Variants in SIN3A observed in about 807,000 individuals in gnomAD.
The protein encoded by SIN3A is paired amphipathic helix protein Sin3a.
In SIN3A, 14 loss-of-function variants were observed where a neutral mutation model predicts 146.1. The observed-to-expected ratio is 0.10, with a 90% CI of 0.06 to 0.15. The LOEUF is 0.15. Among genes scored for constraint, SIN3A ranks in the 10% least tolerant of loss-of-function variants. SIN3A has a pLI of 1.00. For synonymous variants in SIN3A, 572 were observed against 572.0 expected (o/e 1.00, Z 0.00); for missense variants, 1,028 against 1,576.0 (o/e 0.65, Z 5.89).
chr15:75,403,038 A>G (rs764292853), intron 9 of SIN3A, among the ~76,000 whole-genome samples: 5 of 152,226 alleles, frequency 3.3e-5, no homozygotes, highest in African/African-American at 1.2e-4. Context: ...GTGGGAATAT[A>G]TATGAAACAA....
rs767626810 is a variant in SIN3A at position 75,384,270 on chromosome 15, G to A, written c.3189C>T (p.Cys1063=). The change falls in exon 17 of 21, where the codon TGC becomes TGT. Residue 1063 remains cysteine, a synonymous_variant. Transcript: ENST00000394947. ...KAEQLMSDEN[C]FKLMFIQSQG... Reference sequence around the variant, plus strand: ...CTACCTGACCAACTCTCACCTTAAAGCAATTCTCATCTGACATTAGCTGCT... The same window carrying A: ...CTACCTGACCAACTCTCACCTTAAAACAATTCTCATCTGACATTAGCTGCT... The A allele has an allele frequency of 2.5e-6, 4 of 1,610,854 alleles. No homozygotes were observed. The East Asian group carries it at 6.7e-5, about 27-fold the overall frequency.
intron 1 of SIN3A, among the ~76,000 whole-genome samples, chr15:75,442,190 C>T (rs1193259722): frequency 7.7e-6 from 1 of 130,550 alleles, no homozygotes; most frequent in African/African-American, 2.9e-5. Flanking sequence ...ATTTTTCCTT[C>T]TAACCATCTT....
At chr15:75,426,529 C>T (rs2073928590) in intron 2 of SIN3A, among the ~76,000 whole-genome samples, 2 of 152,152 alleles carry the variant, frequency 1.3e-5, no homozygotes, top group Non-Finnish European at 2.9e-5. Context: ...GGTTGAAGGC[C>T]TCCCCAGACC....
At chr15:75,409,483 T>C (rs536679062) in intron 8 of SIN3A, among the ~76,000 whole-genome samples, 59 of 151,866 alleles carry the variant, frequency 3.9e-4, no homozygotes, top group Non-Finnish European at 7.7e-4. Flanking sequence ...TCCCAGCACT[T>C]TGGGAGGCCG....
At chr15:75,448,378 T>G (rs2074345280) in intron 1 of SIN3A, among the ~76,000 whole-genome samples, 1 of 151,238 alleles carries the variant, frequency 6.6e-6, no homozygotes. Flanking sequence ...CGCCCCAGCT[T>G]CTTCTTCGTG....
intron 12 of SIN3A, among the ~76,000 whole-genome samples, chr15:75,397,715 A>C (rs188098204): frequency 6.6e-6 from 1 of 152,142 alleles, no homozygotes; most frequent in Admixed American, 6.5e-5. Flanking sequence ...TCTTAAACAC[A>C]TGCACACCCC....
At chr15:75,450,325 A>G (rs1259246191) in intron 1 of SIN3A, among the ~76,000 whole-genome samples, 1 of 152,150 alleles carries the variant, frequency 6.6e-6, no homozygotes, top group Non-Finnish European at 1.5e-5. Context: ...TAAAGTCCTA[A>G]CGCACCGAAA....
intron 17 of SIN3A, among the ~76,000 whole-genome samples, chr15:75,381,918 A>G (rs2072979977): frequency 6.6e-6 from 1 of 152,228 alleles, no homozygotes; most frequent in South Asian, 2.1e-4. Flanking sequence ...AAAAGGTACT[A>G]TTTCATGTTT....
chr15:75,410,365 T>A, intron 6 of SIN3A, 79 bp from the exon 7 acceptor site: 2 of 1,387,078 alleles, frequency 1.4e-6, no homozygotes, highest in Non-Finnish European at 2.0e-6. Context: ...CTGGAATCAC[T>A]GTTATCTATT....
intron 1 of SIN3A, among the ~76,000 whole-genome samples, chr15:75,435,295 T>C (rs2074087354): frequency 6.6e-6 from 1 of 152,078 alleles, no homozygotes; most frequent in South Asian, 2.1e-4. Context: ...TAAATATCTA[T>C]CAGCTAAATA....
rs1253622686 is a variant in SIN3A, at chr15:75,392,390, A to G, written c.2703T>C (p.Ile901=). 1.2e-6 allele frequency: 2 copies of G among 1,614,126 alleles called. No individual in the cohort carries two copies. The highest frequency in any genetic ancestry group is 1.7e-6 in the Non-Finnish European group (2 of 1,180,056). ...AAATCCGTAGCAGCCTCAGGCAGAG[A>G]ATCTGGTGCAGTCGCATAAAAATAT... ...NWYIFMRLHQ[I]LCLRLLRICS... Residue 901 remains isoleucine (I), a synonymous_variant, in exon 15 of 21, where the codon ATT becomes ATC. Coordinates refer to ENST00000394947, the MANE Select transcript of SIN3A (RefSeq NM_001145358.2).
chr15:75,415,854 G>GAAAA lies in SIN3A; in HGVS notation c.367-1547_367-1544dup, dbSNP rs397946961. ...CAACAAGAGTGAAACTCGGTCTCAG[G>GAAAA]AAAAAAAAAAAAAAAAAAAAAGTCC... On this transcript the variant is annotated intron_variant, in intron 3 of 20. Coordinates refer to ENST00000394947, the MANE Select transcript of SIN3A (RefSeq NM_001145358.2). 1.7e-4 allele frequency: 16 copies of GAAAA among 96,242 alleles called. No individual in the cohort carries two copies. The South Asian group carries it at 2.0e-3, about 12-fold the overall frequency. The allele number at this position is 96,242 out of a possible 1,614,324, so 6.0% of individuals were successfully genotyped here.
At chr15:75,390,348 A>C (rs2073176637) in intron 15 of SIN3A, among the ~76,000 whole-genome samples, 1 of 152,248 alleles carries the variant, frequency 6.6e-6, no homozygotes, top group South Asian at 2.1e-4. Flanking sequence ...ATAATGAAGT[A>C]ATCTGCATTT....
chr15:75,423,591 T>C (rs528918554), intron 2 of SIN3A, among the ~76,000 whole-genome samples: 5 of 152,050 alleles, frequency 3.3e-5, no homozygotes, highest in Non-Finnish European at 5.9e-5. Flanking sequence ...GGCAGGAGAA[T>C]AGCGTGAACC....
chr15:75,408,379 A>G (rs1209333256), intron 8 of SIN3A, among the ~76,000 whole-genome samples: 1 of 152,252 alleles, frequency 6.6e-6, no homozygotes, highest in Non-Finnish European at 1.5e-5. Context: ...ATACTTCAAA[A>G]GTGTCAGTAA....
intron 2 of SIN3A, among the ~76,000 whole-genome samples, chr15:75,426,390 G>A (rs1320454702): frequency 1.3e-5 from 2 of 152,076 alleles, no homozygotes; most frequent in Non-Finnish European, 2.9e-5. Flanking sequence ...TAAATTCCTA[G>A]AAATGGAATT....
At chr15:75,427,970 T>C (rs1209060650) in intron 2 of SIN3A, among the ~76,000 whole-genome samples, 1 of 150,494 alleles carries the variant, frequency 6.6e-6, no homozygotes. Flanking sequence ...AAACTCCATC[T>C]CAAAATAAAT....
intron 1 of SIN3A, among the ~76,000 whole-genome samples, chr15:75,440,237 GT>G (rs556673520): frequency 6.9e-5 from 10 of 144,002 alleles, no homozygotes; most frequent in Admixed American, 7.0e-5. Flanking sequence ...TAGCAAATTT[GT>G]TTTTTTTTTT....
chr15:75,441,367 A>G (rs1465866351), intron 1 of SIN3A, among the ~76,000 whole-genome samples: 3 of 152,196 alleles, frequency 2.0e-5, no homozygotes, highest in Non-Finnish European at 1.5e-5. Context: ...GCTAGAGTAC[A>G]GTGGCATGAT....
Sources: allele counts gnomAD v4.1 joint callset (sites outside exome capture counted in the v4.1 genomes callset), GRCh38; gene constraint gnomAD v4.1.1; transcripts MANE v1.5; gene names NCBI Gene and HGNC (gene_info 2026-07-23, HGNC 2026-07-21).